Variants in PLXNC1 observed in about 807,000 individuals in gnomAD.
PLXNC1 encodes plexin-C1.
In PLXNC1, 75 loss-of-function variants were observed where a neutral mutation model predicts 178.2. That is an observed-to-expected ratio of 0.42 (90% confidence interval 0.35 to 0.51). The LOEUF is 0.51. Ranked by LOEUF, PLXNC1 falls within the 20% of genes least tolerant of loss-of-function variation. PLXNC1 has a pLI of 0.02. For synonymous variants in PLXNC1, 790 were observed against 779.9 expected (o/e 1.01, Z -0.22); for missense variants, 1,503 against 1,984.4 (o/e 0.76, Z 4.61).
intron 9 of PLXNC1, 102 bp downstream of exon 9, chr12:94,227,337 A>G: frequency 1.5e-6 from 1 of 646,694 alleles, no homozygotes; most frequent in Non-Finnish European, 2.7e-6. Context: ...TCTCTATTTT[A>G]CTTTCTACCA....
intron 2 of PLXNC1, among the ~76,000 whole-genome samples, chr12:94,180,839 C>G (rs1158489360): frequency 6.6e-6 from 1 of 152,112 alleles, no homozygotes; most frequent in African/African-American, 2.4e-5. Flanking sequence ...CCTATAGGGC[C>G]AGACATGGTC....
At chr12:94,287,016 G>A (rs961365833) in intron 23 of PLXNC1, among the ~76,000 whole-genome samples, 117 of 152,282 alleles carry the variant, frequency 7.7e-4, no homozygotes, top group Non-Finnish European at 1.4e-3. Context: ...CCCCAGCACC[G>A]GGGAATTGCT....
chr12:94,195,413 T>C (rs1033547730), intron 4 of PLXNC1, among the ~76,000 whole-genome samples: 1 of 152,034 alleles, frequency 6.6e-6, no homozygotes, highest in Non-Finnish European at 1.5e-5. Flanking sequence ...AGTGCATCCA[T>C]GGGGCCCCAC....
chr12:94,302,148 C>A (rs527631254), intron 28 of PLXNC1, among the ~76,000 whole-genome samples: 10 of 152,296 alleles, frequency 6.6e-5, no homozygotes, highest in African/African-American at 2.2e-4. Flanking sequence ...TTTCCCATTA[C>A]CTACCAGCTA....
At chr12:94,179,167 A>G (rs945568410) in intron 2 of PLXNC1, among the ~76,000 whole-genome samples, 1 of 152,228 alleles carries the variant, frequency 6.6e-6, no homozygotes, top group Non-Finnish European at 1.5e-5. Context: ...CTAAACAGCA[A>G]ATCCCTAACT....
At chr12:94,157,121 C>A (rs1303982605) in intron 1 of PLXNC1, among the ~76,000 whole-genome samples, 1 of 152,190 alleles carries the variant, frequency 6.6e-6, no homozygotes, top group Admixed American at 6.5e-5. Flanking sequence ...GTTCATCTTT[C>A]CCACCAGATG....
chr12:94,157,795 A>C (rs1961229683), intron 1 of PLXNC1, among the ~76,000 whole-genome samples: 1 of 152,212 alleles, frequency 6.6e-6, no homozygotes, highest in Admixed American at 6.5e-5. Context: ...TGCAGGCTGC[A>C]TACAGTCTCT....
At chr12:94,265,994 G>A (rs139888621) in intron 21 of PLXNC1, among the ~76,000 whole-genome samples, 2 of 152,364 alleles carry the variant, frequency 1.3e-5, no homozygotes, top group East Asian at 3.9e-4. Flanking sequence ...TTGGAGAAGA[G>A]ATTGCTGTGT....
chr12:94,196,038 C>T (rs1161293586), intron 4 of PLXNC1, among the ~76,000 whole-genome samples: 1 of 152,218 alleles, frequency 6.6e-6, no homozygotes, highest in Non-Finnish European at 1.5e-5. Context: ...CTATCATTAA[C>T]CTGCTGGGAT....
intron 1 of PLXNC1, among the ~76,000 whole-genome samples, chr12:94,150,463 A>G (rs183186698): frequency 1.2e-3 from 177 of 152,270 alleles, no homozygotes; most frequent in African/African-American, 3.9e-3. Context: ...ACAGTTAGCA[A>G]CACAGTGCCC....
At chr12:94,297,552 T>G in intron 26 of PLXNC1, 129 bp downstream of exon 26, 3 of 655,234 alleles carry the variant, frequency 4.6e-6, no homozygotes, top group Non-Finnish European at 8.1e-6. Context: ...AATGAAAGTT[T>G]AAATTGTAAA....
At chr12:94,195,434 T>G (rs1355718080) in intron 4 of PLXNC1, among the ~76,000 whole-genome samples, 1 of 151,992 alleles carries the variant, frequency 6.6e-6, no homozygotes, top group Non-Finnish European at 1.5e-5. Context: ...TTGCTCTGGT[T>G]TTAGTGCCAT....
chr12:94,244,087 C>G (rs1964463977), intron 12 of PLXNC1, 62 bp downstream of exon 12: 7 of 972,578 alleles, frequency 7.2e-6, no homozygotes, highest in Non-Finnish European at 1.1e-5. Flanking sequence ...TTTCATCACA[C>G]TATGCTATGT....
chr12:94,249,468 A>G (rs962429460), intron 14 of PLXNC1, among the ~76,000 whole-genome samples: 1 of 152,104 alleles, frequency 6.6e-6, no homozygotes, highest in African/African-American at 2.4e-5. Flanking sequence ...TCCTTGCCTC[A>G]AGTGATCTGC....
At chr12:94,277,833 T>C (rs776955366) in intron 21 of PLXNC1, 6 of 415,430 alleles carry the variant, frequency 1.4e-5, no homozygotes, top group South Asian at 1.0e-4. Context: ...AGCCCTTGAA[T>C]GCATGATCAC....
intron 9 of PLXNC1, among the ~76,000 whole-genome samples, chr12:94,231,040 A>T (rs1337582577): frequency 6.6e-6 from 1 of 152,214 alleles, no homozygotes; most frequent in Non-Finnish European, 1.5e-5. Flanking sequence ...ACAAGATTTT[A>T]AAAATATTAA....
rs536544228 is a variant in PLXNC1, at chr12:94,278,157, A to C, written c.3598-1315A>C. 3 of 394,010 alleles carry C rather than the reference A, an allele frequency of 7.6e-6. No individual in the cohort carries two copies. In the East Asian group the frequency reaches 2.2e-4, roughly 29 times the overall value. 24.4% of individuals were successfully genotyped at this position (394,010 alleles called of 1,614,324 possible). On this transcript the variant is annotated intron_variant, in intron 21 of 30. Coordinates refer to ENST00000258526, the MANE Select transcript of PLXNC1 (RefSeq NM_005761.3). ...CCGCTCCTTAAAACCAAAAAAAACA[A>C]AACAAAATTCCCATTACTTGATCAT...
intron 27 of PLXNC1, among the ~76,000 whole-genome samples, 181 bp downstream of exon 27, chr12:94,298,976 C>T (rs1481423817): frequency 6.6e-6 from 1 of 152,136 alleles, no homozygotes; most frequent in Non-Finnish European, 1.5e-5. Flanking sequence ...ATAAAGGAAA[C>T]CATTCCTATG....
At chr12:94,209,419 A>G (rs965718011) in intron 4 of PLXNC1, among the ~76,000 whole-genome samples, 171 bp from the exon 5 acceptor site, 3 of 152,186 alleles carry the variant, frequency 2.0e-5, no homozygotes, top group African/African-American at 7.2e-5. Flanking sequence ...GTTGCTTTTC[A>G]TGGTTTTAGC....
Sources: allele counts gnomAD v4.1 joint callset (sites outside exome capture counted in the v4.1 genomes callset), GRCh38; gene constraint gnomAD v4.1.1; transcripts MANE v1.5; gene names NCBI Gene and HGNC (gene_info 2026-07-23, HGNC 2026-07-21).